Variants in KCNIP4 observed in about 807,000 individuals in gnomAD.
KCNIP4 encodes potassium voltage-gated channel interacting protein 4.
In KCNIP4, 12 loss-of-function variants were observed where a neutral mutation model predicts 34.0. The ratio of observed to expected loss-of-function variants is 0.35; its 90% CI spans 0.23 to 0.57. The LOEUF (loss-of-function observed/expected upper bound fraction) is 0.57, where lower values mean the gene tolerates loss of function less well. KCNIP4 is among the 20% of genes least tolerant of loss of function. The pLI is 0.83. For missense variants in KCNIP4, 238 were observed against 311.7 expected (o/e 0.76, Z 1.78); for synonymous variants, 124 against 102.2 (o/e 1.21, Z -1.29).
intron 1 of KCNIP4, among the ~76,000 whole-genome samples, chr4:21,208,409 C>T (rs1312104565): frequency 3.9e-5 from 6 of 152,084 alleles, no homozygotes; most frequent in Admixed American, 3.9e-4. Context: ...TGCCCCAATA[C>T]CTATAATCCC....
At chr4:21,772,292 A>C (rs1335687158) in intron 1 of KCNIP4, among the ~76,000 whole-genome samples, 1 of 152,256 alleles carries the variant, frequency 6.6e-6, no homozygotes, top group South Asian at 2.1e-4. Context: ...TGTGGTGGAT[A>C]AGTTTTTTGA....
intron 1 of KCNIP4, among the ~76,000 whole-genome samples, chr4:21,297,022 G>A (rs1763878349): frequency 1.3e-5 from 2 of 151,094 alleles, no homozygotes; most frequent in African/African-American, 4.9e-5. Flanking sequence ...ACATACATAA[G>A]TACGTATGTG....
At chr4:20,927,649 A>G (rs1474472632) in intron 1 of KCNIP4, among the ~76,000 whole-genome samples, 1 of 152,164 alleles carries the variant, frequency 6.6e-6, no homozygotes, top group Non-Finnish European at 1.5e-5. Context: ...AAAGGCAAAA[A>G]ATATTTTTTT....
intron 1 of KCNIP4, among the ~76,000 whole-genome samples, chr4:20,987,126 G>GA: frequency 6.6e-6 from 1 of 152,302 alleles, no homozygotes; most frequent in East Asian, 1.9e-4. Flanking sequence ...GCCACTCTTG[G>GA]AAAGAAGAGT....
chr4:21,916,466 G>A (rs966840018), intron 1 of KCNIP4, among the ~76,000 whole-genome samples: 1 of 151,992 alleles, frequency 6.6e-6, no homozygotes, highest in African/African-American at 2.4e-5. Context: ...ACAAAATTTA[G>A]GGTATGGGAT....
rs1350058625 is a variant in KCNIP4 at position 21,674,917 on chromosome 4, T to C, written c.61+273654A>G. Among the ~76,000 whole-genome samples the C allele has an allele frequency of 2.0e-5, 3 of 152,270 alleles. No individual in the cohort carries two copies. In the East Asian group the frequency reaches 5.8e-4, roughly 29 times the overall value. ...TTTTAAATCAAATATCTAATTCTTATAAAATTACTGTTTTTCATAAATGGA... is the reference window on the plus strand; with the variant it reads ...TTTTAAATCAAATATCTAATTCTTACAAAATTACTGTTTTTCATAAATGGA... On this transcript the variant is annotated intron_variant, in intron 1 of 8. Transcript: ENST00000382152.
chr4:20,943,681 A>G (rs1031590715), intron 1 of KCNIP4, among the ~76,000 whole-genome samples: 1 of 151,982 alleles, frequency 6.6e-6, no homozygotes, highest in African/African-American at 2.4e-5. Context: ...CTGGTTTTGA[A>G]CCCCAGGTGT....
intron 1 of KCNIP4, among the ~76,000 whole-genome samples, chr4:20,903,598 C>T (rs191718959): frequency 4.7e-4 from 71 of 152,230 alleles, no homozygotes; most frequent in African/African-American, 1.6e-3. Flanking sequence ...GAAGCCCCCA[C>T]TTTGAGTTGT....
chr4:21,447,011 G>T (rs574989235), intron 1 of KCNIP4, among the ~76,000 whole-genome samples: 1 of 150,322 alleles, frequency 6.7e-6, no homozygotes, highest in South Asian at 2.1e-4. Context: ...AAAAAAAAAA[G>T]AAAAAGAGAC....
intron 1 of KCNIP4, among the ~76,000 whole-genome samples, chr4:21,696,122 T>C (rs1360397924): frequency 6.6e-6 from 1 of 152,132 alleles, no homozygotes; most frequent in African/African-American, 2.4e-5. Flanking sequence ...TAACAGGAAA[T>C]TAACATTAGG....
intron 1 of KCNIP4, among the ~76,000 whole-genome samples, chr4:20,932,637 T>C (rs1730598789): frequency 6.6e-6 from 1 of 152,182 alleles, no homozygotes; most frequent in Non-Finnish European, 1.5e-5. Flanking sequence ...ACCATTTTAC[T>C]ATCTGTAGTT....
chr4:21,845,557 T>A (rs953158112), intron 1 of KCNIP4: 10 of 152,232 alleles, frequency 6.6e-5, no homozygotes, highest in Admixed American at 5.2e-4. Context: ...CAGATTTTTT[T>A]AAGTGTTTAC....
In KCNIP4 at chr4:21,948,469, C is replaced by T. The variant is rs558559136; in HGVS notation, c.61+102G>A. On this transcript the variant is annotated intron_variant, in intron 1 of 8. Transcript: ENST00000382152. ...GTGACTGTGTCTCATGCAGCGAAGG[C>T]AACAAGCGTCCCCAGCCGAGGAAGG... The T allele has an allele frequency of 3.0e-5, 39 of 1,308,726 alleles. No homozygotes were observed. In the African/African-American group the frequency reaches 5.4e-4, roughly 18 times the overall value. The allele number at this position is 1,308,726 out of a possible 1,614,324, so 81.1% of individuals were successfully genotyped here. A position where few individuals can be genotyped will look rare whatever the true frequency, so the allele number is the denominator to read the frequency against.
chr4:21,351,429 G>A (rs1457924975), intron 1 of KCNIP4, among the ~76,000 whole-genome samples: 1 of 152,128 alleles, frequency 6.6e-6, no homozygotes, highest in Non-Finnish European at 1.5e-5. Context: ...TATAAGACAT[G>A]CCTTTGGTTT....
intron 1 of KCNIP4, among the ~76,000 whole-genome samples, chr4:21,096,232 C>A (rs1747448062): frequency 6.6e-6 from 1 of 152,108 alleles, no homozygotes; most frequent in Non-Finnish European, 1.5e-5. Context: ...CCAAGCTCAT[C>A]CCATACCCTC....
chr4:20,979,298 A>G (rs1735804355), intron 1 of KCNIP4, among the ~76,000 whole-genome samples: 1 of 152,164 alleles, frequency 6.6e-6, no homozygotes. Flanking sequence ...GTTCTCCCCA[A>G]GTATTTTATT....
intron 1 of KCNIP4, among the ~76,000 whole-genome samples, chr4:21,622,072 T>G (rs568431880): frequency 1.3e-5 from 2 of 152,322 alleles, no homozygotes; most frequent in East Asian, 3.9e-4. Context: ...GTCACTGTCT[T>G]CATGCTGCGA....
intron 1 of KCNIP4, among the ~76,000 whole-genome samples, chr4:21,755,392 A>G (rs1325209694): frequency 6.6e-6 from 1 of 152,204 alleles, no homozygotes; most frequent in Non-Finnish European, 1.5e-5. Context: ...AAGCAAATGG[A>G]CAAATAAAAT....
At chr4:21,205,803 A>G (rs1482051108) in intron 1 of KCNIP4, among the ~76,000 whole-genome samples, 1 of 152,212 alleles carries the variant, frequency 6.6e-6, no homozygotes, top group East Asian at 1.9e-4. Context: ...CTCCCAGTCC[A>G]TGCTCCTAAC....
Sources: gnomAD v4.1 joint callset for allele counts (sites outside exome capture counted in the v4.1 genomes callset) on GRCh38, gnomAD v4.1.1 for gene constraint, MANE v1.5 for transcripts, NCBI Gene and HGNC (gene_info 2026-07-23, HGNC 2026-07-21) for gene names.